The following KREMEN1 variants were observed in gnomAD, a reference collection of about 807,000 sequenced individuals.
KREMEN1 encodes kringle containing transmembrane protein 1, also known as kremen protein 1.
A neutral mutation model predicts 46.5 loss-of-function variants in KREMEN1; 30 were observed. The ratio of observed to expected loss-of-function variants is 0.65; its 90% confidence interval spans 0.48 to 0.88. KREMEN1 has a LOEUF of 0.88. KREMEN1 is among the 40% of genes least tolerant of loss of function. The probability of loss-of-function intolerance (pLI) is 0.00; values close to 1 mark genes in which losing one functional copy is unlikely to be tolerated. For missense variants in KREMEN1, 533 were observed against 596.9 expected (o/e 0.89, Z 1.11); for synonymous variants, 214 against 230.6 (o/e 0.93, Z 0.65).
In KREMEN1 at chr22:29,095,893, AAC is replaced by A. The variant is rs1230587495; in HGVS notation, c.260+1476_260+1477del. On this transcript the variant is annotated intron_variant, in intron 2 of 8. Coordinates refer to ENST00000400335, the MANE Select transcript of KREMEN1 (RefSeq NM_001039570.3). ...TATTCTTAAAAAAAAAAACTTCTCCAACACCACAAATATATGTGGTTTAAATA... is the reference window on the plus strand; with the variant it reads ...TATTCTTAAAAAAAAAAACTTCTCCAACCACAAATATATGTGGTTTAAATA... Among the ~76,000 whole-genome samples the A allele has an allele frequency of 1.4e-4, 21 of 152,110 alleles. No individual in the cohort carries two copies. In the East Asian group the frequency reaches 3.1e-3, roughly 22 times the overall value.
At chr22:29,109,215 C>T (rs2038105630) in intron 3 of KREMEN1, among the ~76,000 whole-genome samples, 1 of 152,136 alleles carries the variant, frequency 6.6e-6, no homozygotes. Flanking sequence ...TCAGTTCAGT[C>T]ACAGATACAA....
chr22:29,144,634 G>T lies in KREMEN1; in HGVS notation c.*2522G>T. 7.1e-6 allele frequency: 7 copies of T among 985,498 alleles called. No homozygotes were observed. The highest frequency in any genetic ancestry group is 8.4e-6 in the Non-Finnish European group (7 of 829,978). The allele number at this position is 985,498 out of a possible 1,614,324, so 61.0% of individuals were successfully genotyped here. On this transcript the variant is annotated 3_prime_UTR_variant, in exon 9 of 9. Transcript: ENST00000400335. ...CAAACATAAGTGTCAGGTGTGTGTC[G>T]TCCCAACGGGTCCTGTGCTGTGAAT... is the stretch of plus-strand genomic sequence containing the variant.
chr22:29,138,811 G>T (rs773515740), intron 7 of KREMEN1, 29 bp downstream of exon 7: 1 of 1,614,206 alleles, frequency 6.2e-7, no homozygotes, highest in South Asian at 1.1e-5. Flanking sequence ...CACCCATGGG[G>T]GCTGGAAGCC....
chr22:29,141,167 A>T (rs184933359), intron 8 of KREMEN1, among the ~76,000 whole-genome samples: 1 of 151,816 alleles, frequency 6.6e-6, no homozygotes, highest in Non-Finnish European at 1.5e-5. Flanking sequence ...CCACATTGGA[A>T]CCCCTTTACA....
chr22:29,152,448 G>T (rs2038922177), intron 9 of KREMEN1, among the ~76,000 whole-genome samples: 1 of 152,230 alleles, frequency 6.6e-6, no homozygotes, highest in South Asian at 2.1e-4. Flanking sequence ...AGCCAAACAG[G>T]CTAAAATCAC....
rs71196622 is a variant in KREMEN1 at position 29,100,094 on chromosome 22, C to CT, written c.352+1156dup. 2.4e-3 allele frequency among the ~76,000 whole-genome samples: 288 copies of CT among 118,552 alleles called. 2 individuals are homozygous for CT. The highest frequency in any genetic ancestry group is 0.011 in the South Asian group (45 of 3,950). 77.8% of individuals were successfully genotyped at this position (118,552 alleles called of 152,430 possible). On this transcript the variant is annotated intron_variant, in intron 3 of 8. Coordinates refer to ENST00000400335, the MANE Select transcript of KREMEN1 (RefSeq NM_001039570.3). The stretch of plus-strand genomic sequence containing the variant: ...CTTCTCACTACTACACTTGACTAGT[C>CT]TTTTTTTTTTTTTTTGAGACAGAGT...
At chr22:29,157,878 A>G (rs1209978454) in intron 9 of KREMEN1, among the ~76,000 whole-genome samples, 1 of 152,220 alleles carries the variant, frequency 6.6e-6, no homozygotes, top group Admixed American at 6.5e-5. Context: ...ACAAACAGGC[A>G]GGTCAGGGGA....
intron 5 of KREMEN1, among the ~76,000 whole-genome samples, chr22:29,126,116 A>C (rs1344365699): frequency 4.1e-3 from 2 of 488 alleles, no homozygotes; most frequent in Admixed American, 0.053. Context: ...GGAGGCAGAC[A>C]AAAAAAAAAA....
At chr22:29,103,313 A>G (rs1450801008) in intron 3 of KREMEN1, among the ~76,000 whole-genome samples, 1 of 152,166 alleles carries the variant, frequency 6.6e-6, no homozygotes, top group Non-Finnish European at 1.5e-5. Flanking sequence ...ACAAAGCAGA[A>G]TCTGGCTGAA....
At chr22:29,078,482 GAAAA>G (rs770244857) in intron 1 of KREMEN1, among the ~76,000 whole-genome samples, 1 of 89,418 alleles carries the variant, frequency 1.1e-5, no homozygotes, top group Non-Finnish European at 2.4e-5. Context: ...AAACAGCCAG[GAAAA>G]AAAAAAAAAA....
intron 2 of KREMEN1, among the ~76,000 whole-genome samples, chr22:29,095,718 C>T (rs134661): frequency 0.32 from 48,243 of 152,082 alleles, 9,400 homozygotes; most frequent in Middle Eastern, 0.5. Context: ...CCTTTGCTAA[C>T]GCTCTAGGGC....
At chr22:29,108,383 G>A (rs2038093893) in intron 3 of KREMEN1, among the ~76,000 whole-genome samples, 1 of 152,198 alleles carries the variant, frequency 6.6e-6, no homozygotes, top group Non-Finnish European at 1.5e-5. Flanking sequence ...GAAAGAATGT[G>A]GACATCTGAG....
At chr22:29,131,238 C>A (rs1052336652) in intron 5 of KREMEN1, among the ~76,000 whole-genome samples, 1 of 151,920 alleles carries the variant, frequency 6.6e-6, no homozygotes, top group Non-Finnish European at 1.5e-5. Flanking sequence ...GGTTTAGTAA[C>A]CTGCTCAAAT....
chr22:29,091,914 G>A (rs1040922463), intron 1 of KREMEN1, among the ~76,000 whole-genome samples: 1 of 152,212 alleles, frequency 6.6e-6, no homozygotes, highest in Non-Finnish European at 1.5e-5. Context: ...ATAGCATAGT[G>A]TGTTCACAGA....
Position 29,073,805 on chromosome 22 carries a change from CCT to C in KREMEN1, c.97+580_97+581del, listed in dbSNP as rs2037518169. Reference sequence around the variant, plus strand: ...TCCCGTCCCCAAGTCCCCAGCGACCCCTCCCGGGCCGGGACGACCCCTGCTCC... The same window carrying C: ...TCCCGTCCCCAAGTCCCCAGCGACCCCCCGGGCCGGGACGACCCCTGCTCC... On this transcript the variant is annotated intron_variant, in intron 1 of 8. Transcript: ENST00000400335. The surrounding 1 kb of genome is among the most constrained non-coding windows in gnomAD (Gnocchi z 4.4). Among the ~76,000 whole-genome samples the C allele has an allele frequency of 6.6e-6, 1 of 151,854 alleles. No homozygotes were observed. Among genetic ancestry groups the C allele is most frequent in the Non-Finnish European group, 1.5e-5 (1 of 67,832 alleles).
intron 5 of KREMEN1, among the ~76,000 whole-genome samples, chr22:29,131,560 A>ATATATATGTG (rs1240832937): frequency 5.0e-4 from 35 of 69,924 alleles, no homozygotes; most frequent in African/African-American, 1.6e-3. Context: ...ATATATATAT[A>ATATATATGTG]TGTGTGTGTG....
chr22:29,079,312 A>G (rs1020998950), intron 1 of KREMEN1, among the ~76,000 whole-genome samples: 3 of 152,206 alleles, frequency 2.0e-5, no homozygotes, highest in African/African-American at 7.2e-5. Flanking sequence ...GCTAGGGAGC[A>G]CCTTGGCAGA....
chr22:29,129,082 C>T (rs904759421), intron 5 of KREMEN1, among the ~76,000 whole-genome samples: 15 of 152,182 alleles, frequency 9.9e-5, no homozygotes, highest in African/African-American at 3.6e-4. Flanking sequence ...CTCCAGAGGC[C>T]CAGATGCCTG....
intron 3 of KREMEN1, among the ~76,000 whole-genome samples, chr22:29,112,324 C>G (rs1357684659): frequency 6.6e-6 from 1 of 152,064 alleles, no homozygotes; most frequent in Non-Finnish European, 1.5e-5. Flanking sequence ...TTGTCTTGTC[C>G]CCAGCCAGCA....
Sources: allele counts gnomAD v4.1 joint callset (sites outside exome capture counted in the v4.1 genomes callset), GRCh38; gene constraint gnomAD v4.1.1; non-coding constraint Gnocchi (gnomAD v3.1); transcripts MANE v1.5; gene names NCBI Gene and HGNC (gene_info 2026-07-23, HGNC 2026-07-21).